The following RPAP2 variants were observed in gnomAD, a reference collection of about 807,000 sequenced individuals.
The protein encoded by RPAP2 is putative RNA polymerase II subunit B1 CTD phosphatase RPAP2.
A neutral mutation model predicts 73.1 loss-of-function variants in RPAP2; 52 were observed. That is an observed-to-expected ratio of 0.71 (90% CI 0.57 to 0.90). RPAP2 has a LOEUF of 0.90. Among genes scored for constraint, RPAP2 ranks in the 40% least tolerant of loss-of-function variants. The pLI is 0.00. For missense variants in RPAP2, 598 were observed against 701.8 expected, an observed-to-expected ratio of 0.85 and a Z score of 1.67; for synonymous variants, 225 against 242.1, an observed-to-expected ratio of 0.93 and a Z score of 0.65.
chr1:92,321,794 G>A (rs1652278779), intron 7 of RPAP2, among the ~76,000 whole-genome samples: 1 of 151,750 alleles, frequency 6.6e-6, no homozygotes, highest in Admixed American at 6.6e-5. Flanking sequence ...ACTTTCCTGT[G>A]ATTTTCATTC....
intron 11 of RPAP2, among the ~76,000 whole-genome samples, chr1:92,379,660 C>A (rs1013119810): frequency 6.6e-6 from 1 of 152,134 alleles, no homozygotes; most frequent in Non-Finnish European, 1.5e-5. Flanking sequence ...GTTAGCCAGG[C>A]GTGGTGGCTC....
chr1:92,324,153 CAT>C lies in RPAP2; in HGVS notation c.1235_1236del (p.Ile412AsnfsTer6). On this transcript the variant is annotated frameshift_variant, in exon 8 of 13. Transcript: ENST00000610020. LOFTEE classifies it high-confidence loss of function. ...LVKEELDEDD[I>X]ISDPDSHFPA... ...TTAAAGAAGAACTTGATGAAGATGA[CAT>C]AATCTCAGATCCAGATAGTCATTTC... 1 of 1,614,102 alleles carries C rather than the reference CAT, an allele frequency of 6.2e-7. No individual in the cohort carries two copies. The highest frequency in any genetic ancestry group is 8.5e-7 in the Non-Finnish European group (1 of 1,179,968).
intron 6 of RPAP2, among the ~76,000 whole-genome samples, chr1:92,310,316 C>T (rs1191262993): frequency 2.0e-5 from 3 of 152,098 alleles, no homozygotes; most frequent in African/African-American, 7.2e-5. Flanking sequence ...CATCTTTTTA[C>T]CTGTGCCAAG....
At chr1:92,317,349 A>G (rs1383376146) in intron 6 of RPAP2, among the ~76,000 whole-genome samples, 1 of 152,138 alleles carries the variant, frequency 6.6e-6, no homozygotes, top group Non-Finnish European at 1.5e-5. Flanking sequence ...TCTACTAAAA[A>G]TACAAAAAAT....
In RPAP2 at chr1:92,394,735, T is replaced by C. The variant is rs1203821336; in HGVS notation, c.*7724T>C. On this transcript the variant is annotated 3_prime_UTR_variant, in exon 13 of 13. Coordinates refer to ENST00000610020, the MANE Select transcript of RPAP2 (RefSeq NM_024813.3). ...CAATCCATGTTCATGAATTGGAAGATCAAATGTTGTTAAGATAGCAGTTCT... is the reference window on the plus strand; with the variant it reads ...CAATCCATGTTCATGAATTGGAAGACCAAATGTTGTTAAGATAGCAGTTCT... 3 of 152,184 alleles carry C rather than the reference T, an allele frequency of 2.0e-5. No homozygotes were observed. The highest frequency in any genetic ancestry group is 6.5e-5 in the Admixed American group (1 of 15,274). 9.4% of individuals were successfully genotyped at this position (152,184 alleles called of 1,614,324 possible). A position where few individuals can be genotyped will look rare whatever the true frequency, so the allele number is the denominator to read the frequency against.
At chr1:92,350,504 TC>T (rs970310628) in intron 11 of RPAP2, among the ~76,000 whole-genome samples, 23 of 152,240 alleles carry the variant, frequency 1.5e-4, no homozygotes, top group African/African-American at 5.3e-4. Context: ...CTGATTTTGT[TC>T]CTGGAAAAGG....
intron 7 of RPAP2, among the ~76,000 whole-genome samples, chr1:92,322,914 AT>A (rs201040579): frequency 0.053 from 7,883 of 147,564 alleles, 565 homozygotes; most frequent in African/African-American, 0.17. Flanking sequence ...CATATTATAT[AT>A]TTTTTAAACT....
intron 11 of RPAP2, among the ~76,000 whole-genome samples, chr1:92,364,425 C>G (rs1453834644): frequency 6.6e-6 from 1 of 152,146 alleles, no homozygotes; most frequent in Non-Finnish European, 1.5e-5. Flanking sequence ...TCATCCTCAT[C>G]AAATAATTCT....
At chr1:92,304,145 A>T (rs1453525159) in intron 4 of RPAP2, 70 bp downstream of exon 4, 16 of 1,303,958 alleles carry the variant, frequency 1.2e-5, no homozygotes, top group Non-Finnish European at 1.7e-5. Flanking sequence ...TTGTTGTAAG[A>T]ATAAGAAATA....
chr1:92,380,775 T>A lies in RPAP2; in HGVS notation c.1740T>A (p.Phe580Leu). Residue 580 changes from phenylalanine (F) to leucine (L), a missense_variant, in exon 12 of 13, where the codon TTT becomes TTA. Transcript: ENST00000610020. ...AACATTCTCAGGAAGGTATGGTGTT[T>A]ACACGGTTTCTAGACACCCTCCTTG... Reference protein sequence around the residue: ...IQKHSQEGMVFTRFLDTLLEE... With the variant: ...IQKHSQEGMVLTRFLDTLLEE... The A allele has an allele frequency of 6.2e-7, 1 of 1,606,250 alleles. No individual in the cohort carries two copies.
At chr1:92,334,803 G>A (rs1258304698) in intron 9 of RPAP2, among the ~76,000 whole-genome samples, 5 of 152,020 alleles carry the variant, frequency 3.3e-5, no homozygotes, top group African/African-American at 9.7e-5. Flanking sequence ...TGGCTAACAC[G>A]GTGAAACCCC....
chr1:92,379,030 G>C (rs1655505848), intron 11 of RPAP2, among the ~76,000 whole-genome samples: 1 of 152,162 alleles, frequency 6.6e-6, no homozygotes, highest in Admixed American at 6.5e-5. Flanking sequence ...CAGGGACATA[G>C]AGAATTTCCC....
intron 11 of RPAP2, among the ~76,000 whole-genome samples, chr1:92,349,866 G>A (rs1046829586): frequency 6.6e-6 from 1 of 152,112 alleles, no homozygotes; most frequent in African/African-American, 2.4e-5. Context: ...AGATCAAGGT[G>A]CAGAGAGCCA....
At chr1:92,325,754 AATTAAT>A (rs1292336844) in intron 8 of RPAP2, among the ~76,000 whole-genome samples, 1 of 152,034 alleles carries the variant, frequency 6.6e-6, no homozygotes, top group Non-Finnish European at 1.5e-5. Flanking sequence ...CTCTTTCCAA[AATTAAT>A]ATTATATTAG....
chr1:92,384,325 T>G (rs574050051), intron 12 of RPAP2, among the ~76,000 whole-genome samples: 1 of 151,890 alleles, frequency 6.6e-6, no homozygotes, highest in Non-Finnish European at 1.5e-5. Context: ...TTTTGGTGAT[T>G]AAGAAAGAAT....
rs201381421 is a variant in RPAP2 at position 92,323,552 on chromosome 1, C to T, written c.632C>T (p.Thr211Ile). 6.9e-5 allele frequency: 111 copies of T among 1,613,620 alleles called. No individual in the cohort carries two copies. The East Asian group carries it at 2.4e-3, about 35-fold the overall frequency. Reference sequence around the variant, plus strand: ...CAATATGAATCTAGTTCTTCTAGCACTCACAGTGATAGTAGCAGTGACAAT... The same window carrying T: ...CAATATGAATCTAGTTCTTCTAGCATTCACAGTGATAGTAGCAGTGACAAT... ...EKQYESSSSS[T>I]HSDSSSDNEQ... Residue 211 changes from threonine (T) to isoleucine (I), a missense_variant, in exon 8 of 13, where the codon ACT becomes ATT. By Grantham distance (89) the Thr-to-Ile change is moderately conservative. Coordinates refer to ENST00000610020, the MANE Select transcript of RPAP2 (RefSeq NM_024813.3).
At chr1:92,365,956 T>C (rs983607464) in intron 11 of RPAP2, among the ~76,000 whole-genome samples, 5 of 152,136 alleles carry the variant, frequency 3.3e-5, no homozygotes, top group Non-Finnish European at 7.4e-5. Context: ...CACAGAAAGG[T>C]TGAAGACCAA....
intron 11 of RPAP2, among the ~76,000 whole-genome samples, chr1:92,362,394 A>G (rs1414579019): frequency 6.6e-6 from 1 of 152,182 alleles, no homozygotes; most frequent in African/African-American, 2.4e-5. Flanking sequence ...TATTTTTACA[A>G]AGTTTTAAAG....
In RPAP2 at chr1:92,394,239, CAA is replaced by C. The variant is rs1279362308; in HGVS notation, c.*7229_*7230del. On this transcript the variant is annotated 3_prime_UTR_variant, in exon 13 of 13. Coordinates refer to ENST00000610020, the MANE Select transcript of RPAP2 (RefSeq NM_024813.3). ...ACTATCACAAGATCAGAAAACCAAACAACGCATGTTCTCACTCATAAGTGGGA... is the reference window on the plus strand; with the variant it reads ...ACTATCACAAGATCAGAAAACCAAACCGCATGTTCTCACTCATAAGTGGGA... 2 of 152,042 alleles carry C rather than the reference CAA, an allele frequency of 1.3e-5. No homozygotes were observed. Among genetic ancestry groups the C allele is most frequent in the East Asian group, 1.9e-4 (1 of 5,190 alleles). 9.4% of individuals were successfully genotyped at this position (152,042 alleles called of 1,614,324 possible). A position where few individuals can be genotyped will look rare whatever the true frequency, so the allele number is the denominator to read the frequency against.
Sources: gnomAD v4.1 joint callset for allele counts (sites outside exome capture counted in the v4.1 genomes callset) on GRCh38, gnomAD v4.1.1 for gene constraint, MANE v1.5 for transcripts, NCBI Gene and HGNC (gene_info 2026-07-23, HGNC 2026-07-21) for gene names.